GRM8: variants seen among roughly 807,000 people sequenced by gnomAD.
The protein encoded by GRM8 is metabotropic glutamate receptor 8.
A neutral mutation model predicts 87.2 loss-of-function variants in GRM8; 47 were observed. The ratio of observed to expected loss-of-function variants is 0.54; its 90% CI spans 0.43 to 0.69. GRM8 has a LOEUF of 0.69. Among genes scored for constraint, GRM8 ranks in the 30% least tolerant of loss-of-function variants. The probability of loss-of-function intolerance (pLI) is 0.00; values close to 1 mark genes in which losing one functional copy is unlikely to be tolerated. For missense variants in GRM8, 1,019 were observed against 1,139.2 expected (o/e 0.89, Z 1.52); for synonymous variants, 396 against 404.5 (o/e 0.98, Z 0.25).
chr7:126,812,270 A>T (rs1793372767), intron 6 of GRM8, among the ~76,000 whole-genome samples: 1 of 151,946 alleles, frequency 6.6e-6, no homozygotes, highest in Non-Finnish European at 1.5e-5. Flanking sequence ...AATGAGGGGG[A>T]TACTTTATGA....
chr7:127,059,308 T>C (rs144981332), intron 3 of GRM8, among the ~76,000 whole-genome samples: 352 of 151,678 alleles, frequency 2.3e-3, no homozygotes, highest in Admixed American at 5.4e-3. Context: ...AAATGATTGG[T>C]TCATATAAAT....
At chr7:126,680,749 C>CTAAT (rs1392749175) in intron 7 of GRM8, among the ~76,000 whole-genome samples, 1 of 152,202 alleles carries the variant, frequency 6.6e-6, no homozygotes, top group Non-Finnish European at 1.5e-5. Flanking sequence ...GTAAGAATAA[C>CTAAT]TAATTTTGTG....
intron 8 of GRM8, among the ~76,000 whole-genome samples, chr7:126,572,422 T>G (rs956409433): frequency 6.6e-6 from 1 of 152,206 alleles, no homozygotes; most frequent in Admixed American, 6.5e-5. Flanking sequence ...AATGTCTACA[T>G]GACAACATCC....
At chr7:127,145,342 T>C (rs560561222) in intron 2 of GRM8, among the ~76,000 whole-genome samples, 1 of 152,256 alleles carries the variant, frequency 6.6e-6, no homozygotes, top group East Asian at 1.9e-4. Flanking sequence ...ATTCTCTTTA[T>C]TATGTAGGAA....
intron 7 of GRM8, among the ~76,000 whole-genome samples, chr7:126,668,322 A>G (rs2151299096): frequency 6.6e-6 from 1 of 152,274 alleles, no homozygotes; most frequent in South Asian, 2.1e-4. Context: ...AAGTCCTGAA[A>G]CATTTTTGGC....
chr7:126,726,320 T>G (rs1034858740), intron 7 of GRM8, among the ~76,000 whole-genome samples: 1 of 151,822 alleles, frequency 6.6e-6, no homozygotes, highest in African/African-American at 2.4e-5. Flanking sequence ...CCTACTTCAG[T>G]GGCTTGCCTG....
At chr7:126,739,375 A>G (rs79612871) in intron 7 of GRM8, among the ~76,000 whole-genome samples, 4,261 of 151,848 alleles carry the variant, frequency 0.028, 222 homozygotes, top group African/African-American at 0.098. Flanking sequence ...TCACCTTGAG[A>G]TTCCATCCAA....
At chr7:127,190,627 G>A (rs1332494653) in intron 2 of GRM8, among the ~76,000 whole-genome samples, 1 of 151,954 alleles carries the variant, frequency 6.6e-6, no homozygotes, top group Non-Finnish European at 1.5e-5. Context: ...GAGAGATGGA[G>A]AATTAAGACC....
chr7:126,478,203 T>C (rs1806227872), intron 9 of GRM8, among the ~76,000 whole-genome samples: 1 of 152,138 alleles, frequency 6.6e-6, no homozygotes, highest in Non-Finnish European at 1.5e-5. Context: ...ACACAACAAT[T>C]ATTAATCTCA....
At chr7:126,768,858 T>A (rs909182186) in intron 7 of GRM8, among the ~76,000 whole-genome samples, 1 of 151,642 alleles carries the variant, frequency 6.6e-6, no homozygotes, top group East Asian at 1.9e-4. Flanking sequence ...TTCACAAATA[T>A]TCTGCCACAG....
In GRM8 at chr7:126,814,702, C is replaced by CT. The variant is rs35666218; in HGVS notation, c.1157-44638dup. On this transcript the variant is annotated intron_variant, in intron 6 of 10. Transcript: ENST00000339582. ...ATCCACTAATAATGGTTCTTTTTCT[C>CT]TTTTTTTTTTGTCTATTATAATTAA... Among the ~76,000 whole-genome samples, 917 of 148,016 alleles carry CT rather than the reference C, an allele frequency of 6.2e-3. 8 individuals carry two copies. Among genetic ancestry groups the CT allele is most frequent in the African/African-American group, 0.019 (773 of 40,440 alleles).
chr7:127,058,243 CT>C, intron 3 of GRM8: 1 of 437,682 alleles, frequency 2.3e-6, no homozygotes. Context: ...GGCAAGAGAG[CT>C]TTAAAGTTTC....
intron 3 of GRM8, among the ~76,000 whole-genome samples, chr7:127,066,382 C>T (rs529508544): frequency 6.6e-5 from 10 of 152,276 alleles, no homozygotes; most frequent in South Asian, 2.1e-4. Flanking sequence ...AATATCTAAA[C>T]GCATGCAATT....
chr7:127,063,412 C>T (rs542918079), intron 3 of GRM8, among the ~76,000 whole-genome samples: 3 of 150,158 alleles, frequency 2.0e-5, no homozygotes, highest in Non-Finnish European at 4.4e-5. Context: ...CCTGTCTCTA[C>T]TAAAAATACA....
chr7:127,252,867 G>C lies in GRM8; in HGVS notation c.-382C>G. 1 of 220,394 alleles carries C rather than the reference G, an allele frequency of 4.5e-6. No homozygotes were observed. Among genetic ancestry groups the C allele is most frequent in the Admixed American group, 6.3e-5 (1 of 15,956 alleles). 13.7% of individuals were successfully genotyped at this position (220,394 alleles called of 1,614,324 possible). ...GCAGCTCCATGTCAGCGCCGCCGCC[G>C]CCGCCGCCGCCGCCGCGTGAGGCGA... On this transcript the variant is annotated 5_prime_UTR_variant, in exon 1 of 11. Coordinates refer to ENST00000339582, the MANE Select transcript of GRM8 (RefSeq NM_000845.3). This position sits in a 1 kb window ranked among gnomAD's most constrained non-coding sequence, Gnocchi z 4.9.
At chr7:126,687,929 G>GT (rs1303958213) in intron 7 of GRM8, among the ~76,000 whole-genome samples, 3 of 151,858 alleles carry the variant, frequency 2.0e-5, no homozygotes, top group Admixed American at 2.0e-4. Flanking sequence ...TATTGGTGAA[G>GT]TAAGTCCATG....
intron 7 of GRM8, among the ~76,000 whole-genome samples, chr7:126,665,620 C>T (rs952227745): frequency 4.0e-5 from 6 of 151,768 alleles, no homozygotes; most frequent in South Asian, 2.1e-4. Flanking sequence ...AGAAGGAGGG[C>T]GGAAGACGCA....
At chr7:127,233,779 C>T (rs971518427) in intron 2 of GRM8, among the ~76,000 whole-genome samples, 3 of 152,330 alleles carry the variant, frequency 2.0e-5, no homozygotes, top group Middle Eastern at 3.4e-3. Context: ...GAACACATGT[C>T]TATTAGCTTG....
chr7:127,001,115 A>G (rs1813690220), intron 3 of GRM8, among the ~76,000 whole-genome samples: 1 of 151,692 alleles, frequency 6.6e-6, no homozygotes, highest in African/African-American at 2.4e-5. Context: ...AAATAGACAC[A>G]TATATGATCA....
Sources: allele counts gnomAD v4.1 joint callset (sites outside exome capture counted in the v4.1 genomes callset), GRCh38; gene constraint gnomAD v4.1.1; non-coding constraint Gnocchi (gnomAD v3.1); transcripts MANE v1.5; gene names NCBI Gene and HGNC (gene_info 2026-07-23, HGNC 2026-07-21).